Variants in KCTD6 observed in about 807,000 individuals in gnomAD.
The protein encoded by KCTD6 is BTB/POZ domain-containing protein KCTD6.
Under a neutral mutation model 18.7 loss-of-function variants are expected in KCTD6, and 6 were observed. The ratio of observed to expected loss-of-function variants is 0.32; its 90% CI spans 0.18 to 0.63. The LOEUF (loss-of-function observed/expected upper bound fraction) is 0.63, where lower values mean the gene tolerates loss of function less well. Ranked by LOEUF, KCTD6 falls within the 30% of genes least tolerant of loss-of-function variation. The pLI is 0.79. For synonymous variants in KCTD6, 86 were observed against 108.5 expected, an observed-to-expected ratio of 0.79 and a Z score of 1.29; for missense variants, 165 against 300.2, an observed-to-expected ratio of 0.55 and a Z score of 3.33.
At position 58,492,995 on chromosome 3, in the gene KCTD6, G is replaced by A. The variant is rs1470772405; in HGVS notation, c.-44+826G>A. Among the ~76,000 whole-genome samples the A allele has an allele frequency of 6.6e-6, 1 of 152,194 alleles. No individual in the cohort carries two copies. The highest frequency in any genetic ancestry group is 2.4e-5 in the African/African-American group (1 of 41,448). Reference sequence around the variant, plus strand: ...AAAGTGACCTGGGATGACCCGGCTCGGCTAAGAATATTTGGGGTAGCCTAA... The same window carrying A: ...AAAGTGACCTGGGATGACCCGGCTCAGCTAAGAATATTTGGGGTAGCCTAA... On this transcript the variant is annotated intron_variant, in intron 1 of 2. Transcript: ENST00000404589. This position sits in a 1 kb window ranked among gnomAD's most constrained non-coding sequence, Gnocchi z 6.1.
At chr3:58,494,449 T>C (rs1290378948) in intron 1 of KCTD6, 1 of 152,240 alleles carries the variant, frequency 6.6e-6, no homozygotes, top group Non-Finnish European at 1.5e-5. Flanking sequence ...CTTTTCTGAC[T>C]ACCAGACACG....
chr3:58,500,348 ACTC>A (rs2063199619), intron 2 of KCTD6: 3 of 144,824 alleles, frequency 2.1e-5, no homozygotes, highest in Admixed American at 1.4e-4. Flanking sequence ...CTGGTCTTGA[ACTC>A]CTGAGCTCAG....
chr3:58,500,226 A>G (rs2063198667), intron 2 of KCTD6: 1 of 150,528 alleles, frequency 6.6e-6, no homozygotes, highest in South Asian at 2.1e-4. Context: ...AGTGATTCTC[A>G]TACCTCAGCC....
Position 58,498,777 on chromosome 3 carries a change from T to C in KCTD6, c.22T>C (p.Tyr8His). 6.2e-7 allele frequency: 1 copy of C among 1,611,964 alleles called. No homozygotes were observed. Reference sequence around the variant, plus strand: ...GCAGATGGATAATGGAGACTGGGGCTATATGGTGAGTGCTTCTTGGAGATG... The same window carrying C: ...GCAGATGGATAATGGAGACTGGGGCCATATGGTGAGTGCTTCTTGGAGATG... MDNGDWGYMMTDPVTLNV... is the reference protein window; with the variant it reads MDNGDWGHMMTDPVTLNV... Residue 8 changes from tyrosine to histidine, a missense_variant, in exon 2 of 3, where the codon TAT (tyrosine) becomes CAT (histidine). Transcript: ENST00000404589. This position sits in a 1 kb window ranked among gnomAD's most constrained non-coding sequence, Gnocchi z 4.6.
In KCTD6 at chr3:58,497,741, C is replaced by G. The variant is rs747415625; in HGVS notation, c.-43-972C>G. The G allele has an allele frequency of 6.6e-6, 1 of 152,036 alleles. No individual in the cohort carries two copies. The highest frequency in any genetic ancestry group is 1.5e-5 in the Non-Finnish European group (1 of 68,014). 9.4% of individuals were successfully genotyped at this position (152,036 alleles called of 1,614,324 possible). A position where few individuals can be genotyped will look rare whatever the true frequency, so the allele number is the denominator to read the frequency against. ...CCCCAAATTGTGCTCTTTAACACTT[C>G]GGCATTTAAATCACTTTCTATTTGT... On this transcript the variant is annotated intron_variant, in intron 1 of 2. Coordinates refer to ENST00000404589, the MANE Select transcript of KCTD6 (RefSeq NM_001128214.2). The surrounding 1 kb of genome is among the most constrained non-coding windows in gnomAD (Gnocchi z 4.2).
chr3:58,498,615 T>C lies in KCTD6; in HGVS notation c.-43-98T>C, dbSNP rs2063190370. On this transcript the variant is annotated intron_variant, in intron 1 of 2. Coordinates refer to ENST00000404589, the MANE Select transcript of KCTD6 (RefSeq NM_001128214.2). This position sits in a 1 kb window ranked among gnomAD's most constrained non-coding sequence, Gnocchi z 4.6. ...TCAGCTGAGCAAGGACGAGTAGTTT[T>C]TCTGGTGTTTGGCCTCCTCTGTTGG... The C allele has an allele frequency of 1.4e-6, 1 of 721,974 alleles. No homozygotes were observed. The allele number at this position is 721,974 out of a possible 1,614,324, so 44.7% of individuals were successfully genotyped here.
chr3:58,495,845 G>C (rs1318503095), intron 1 of KCTD6, among the ~76,000 whole-genome samples: 1 of 148,948 alleles, frequency 6.7e-6, no homozygotes, highest in African/African-American at 2.5e-5. Context: ...TGCTTTTGCT[G>C]TGGAACAGAT....
chr3:58,498,362 A>G lies in KCTD6; in HGVS notation c.-43-351A>G, dbSNP rs2063189284. On this transcript the variant is annotated intron_variant, in intron 1 of 2. Coordinates refer to ENST00000404589, the MANE Select transcript of KCTD6 (RefSeq NM_001128214.2). The surrounding 1 kb of genome is among the most constrained non-coding windows in gnomAD (Gnocchi z 4.6). ...ATAAGGTTGTAGAGTTAATCATAATATTCTCTTATATAAATTCTAAAAATT... is the reference window on the plus strand; with the variant it reads ...ATAAGGTTGTAGAGTTAATCATAATGTTCTCTTATATAAATTCTAAAAATT... 5.7e-6 allele frequency: 1 copy of G among 174,136 alleles called. No homozygotes were observed. Among genetic ancestry groups the G allele is most frequent in the Non-Finnish European group, 1.2e-5 (1 of 83,564 alleles). 10.8% of individuals were successfully genotyped at this position (174,136 alleles called of 1,614,324 possible).
chr3:58,494,692 G>A (rs1364344050), intron 1 of KCTD6, among the ~76,000 whole-genome samples: 1 of 152,176 alleles, frequency 6.6e-6, no homozygotes, highest in African/African-American at 2.4e-5. Flanking sequence ...ATTCTGCAGT[G>A]ATAGGGAGAA....
chr3:58,495,970 C>T (rs1388770693), intron 1 of KCTD6, among the ~76,000 whole-genome samples: 1 of 150,692 alleles, frequency 6.6e-6, no homozygotes, highest in Admixed American at 6.6e-5. Context: ...ACAGACTTTT[C>T]GTTAACGGCT....
Position 58,499,631 on chromosome 3 carries a change from C to T in KCTD6, c.27+849C>T, listed in dbSNP as rs537550033. Among the ~76,000 whole-genome samples, 4 of 150,184 alleles carry T rather than the reference C, an allele frequency of 2.7e-5. No individual in the cohort carries two copies. The East Asian group carries it at 7.9e-4, about 29-fold the overall frequency. ...GGCGTGATCTCGGCTCATGACTTTCCAAGCTCAGGTGATTGTCCCACCTCA... is the reference window on the plus strand; with the variant it reads ...GGCGTGATCTCGGCTCATGACTTTCTAAGCTCAGGTGATTGTCCCACCTCA... On this transcript the variant is annotated intron_variant, in intron 2 of 2. Coordinates refer to ENST00000404589, the MANE Select transcript of KCTD6 (RefSeq NM_001128214.2).
chr3:58,494,600 A>G (rs1490212066), intron 1 of KCTD6, among the ~76,000 whole-genome samples: 1 of 152,184 alleles, frequency 6.6e-6, no homozygotes, highest in African/African-American at 2.4e-5. Context: ...GCCCCGGAGA[A>G]TTCTTAATCT....
intron 1 of KCTD6, among the ~76,000 whole-genome samples, chr3:58,495,861 G>A (rs2063173005): frequency 6.6e-6 from 1 of 151,470 alleles, no homozygotes; most frequent in African/African-American, 2.4e-5. Context: ...CAGATTCAGG[G>A]ACATCGTCTA....
rs916837210 is a variant in KCTD6 at position 58,496,093 on chromosome 3, T to C, written c.-43-2620T>C. Among the ~76,000 whole-genome samples the C allele has an allele frequency of 6.7e-6, 1 of 149,928 alleles. No individual in the cohort carries two copies. Among genetic ancestry groups the C allele is most frequent in the Admixed American group, 6.7e-5 (1 of 14,852 alleles). On this transcript the variant is annotated intron_variant, in intron 1 of 2. Transcript: ENST00000404589. The surrounding 1 kb of genome is among the most constrained non-coding windows in gnomAD (Gnocchi z 5.1). ...GTCACTACAGACAGGACAGCAACCG[T>C]TATTCACACTAGTTGAATGGGTTCC...
chr3:58,499,330 ACT>A (rs1282021608), intron 2 of KCTD6, among the ~76,000 whole-genome samples: 2 of 151,390 alleles, frequency 1.3e-5, no homozygotes, highest in Non-Finnish European at 1.5e-5. Flanking sequence ...TGCTCTGAAG[ACT>A]CTTTCTTCAT....
rs1459847846 is a variant in KCTD6 at position 58,496,342 on chromosome 3, T to G, written c.-43-2371T>G. 6.6e-6 allele frequency among the ~76,000 whole-genome samples: 1 copy of G among 152,222 alleles called. No homozygotes were observed. Among genetic ancestry groups the G allele is most frequent in the Non-Finnish European group, 1.5e-5 (1 of 68,034 alleles). The stretch of plus-strand genomic sequence containing the variant: ...AGGGGATTTATGGAAAAATCTAGAC[T>G]AAGAGTCAGAACATGCAAGTTCTTA... On this transcript the variant is annotated intron_variant, in intron 1 of 2. Coordinates refer to ENST00000404589, the MANE Select transcript of KCTD6 (RefSeq NM_001128214.2). The surrounding 1 kb of genome is among the most constrained non-coding windows in gnomAD (Gnocchi z 5.1).
At position 58,498,771 on chromosome 3, in the gene KCTD6, T is replaced by A. The variant is rs1290488493; in HGVS notation, c.16T>A (p.Trp6Arg). The change falls in exon 2 of 3, where the codon TGG becomes AGG. Residue 6 changes from tryptophan (W) to arginine (R), a missense_variant. Physicochemically the swap from Trp to Arg is moderately radical, Grantham distance 101. Around this residue, in one of 2 missense-constraint regions of KCTD6, gnomAD observed 59 missense variants for 69.9 expected, o/e 0.84. Transcript: ENST00000404589. The surrounding 1 kb of genome is among the most constrained non-coding windows in gnomAD (Gnocchi z 4.6). The stretch of plus-strand genomic sequence containing the variant: ...ACTGGAGCAGATGGATAATGGAGAC[T>A]GGGGCTATATGGTGAGTGCTTCTTG... MDNGDWGYMMTDPVTL... is the reference protein window; with the variant it reads MDNGDRGYMMTDPVTL... The A allele has an allele frequency of 1.2e-6, 2 of 1,612,012 alleles. No individual in the cohort carries two copies. The highest frequency in any genetic ancestry group is 1.7e-6 in the Non-Finnish European group (2 of 1,179,122).
In KCTD6 at chr3:58,498,893, G is replaced by C; in HGVS notation, c.27+111G>C. 4 of 853,528 alleles carry C rather than the reference G, an allele frequency of 4.7e-6. No individual in the cohort carries two copies. The highest frequency in any genetic ancestry group is 7.5e-6 in the Non-Finnish European group (4 of 533,922). The allele number at this position is 853,528 out of a possible 1,614,324, so 52.9% of individuals were successfully genotyped here. ...TATAAGAAAAGAAAATTGTGAATTT[G>C]TGTAACCTCTCTTCCCCCTTTTACT... On this transcript the variant is annotated intron_variant, in intron 2 of 2. Transcript: ENST00000404589. The surrounding 1 kb of genome is among the most constrained non-coding windows in gnomAD (Gnocchi z 4.6).
rs1229185559 is a variant in KCTD6 at position 58,492,862 on chromosome 3, G to T, written c.-44+693G>T. Among the ~76,000 whole-genome samples, 1 of 152,166 alleles carries T rather than the reference G, an allele frequency of 6.6e-6. No individual in the cohort carries two copies. The highest frequency in any genetic ancestry group is 6.5e-5 in the Admixed American group (1 of 15,276). ...GGAAATGAAACGTGACAGAGATCCTGTTTGGATATTCTGCCGAAGTTACCA... is the reference window on the plus strand; with the variant it reads ...GGAAATGAAACGTGACAGAGATCCTTTTTGGATATTCTGCCGAAGTTACCA... On this transcript the variant is annotated intron_variant, in intron 1 of 2. Coordinates refer to ENST00000404589, the MANE Select transcript of KCTD6 (RefSeq NM_001128214.2). This position sits in a 1 kb window ranked among gnomAD's most constrained non-coding sequence, Gnocchi z 6.1.
Sources: allele counts gnomAD v4.1 joint callset (sites outside exome capture counted in the v4.1 genomes callset), GRCh38; gene constraint gnomAD v4.1.1; regional missense constraint gnomAD v4.1.1; non-coding constraint Gnocchi (gnomAD v3.1); transcripts MANE v1.5; gene names NCBI Gene and HGNC (gene_info 2026-07-23, HGNC 2026-07-21).